The following ROBO2 variants were observed in gnomAD, a reference collection of about 807,000 sequenced individuals.
ROBO2 encodes the protein roundabout homolog 2.
A neutral mutation model predicts 160.8 loss-of-function variants in ROBO2; 53 were observed. The ratio of observed to expected loss-of-function variants is 0.33; its 90% CI spans 0.26 to 0.41. The LOEUF is 0.41. Ranked by LOEUF, ROBO2 falls within the 10% of genes least tolerant of loss-of-function variation. The pLI is 1.00. For missense variants in ROBO2, 1,577 were observed against 1,722.4 expected (o/e 0.92, Z 1.49); for synonymous variants, 664 against 611.7 (o/e 1.09, Z -1.26).
intron 2 of ROBO2, among the ~76,000 whole-genome samples, chr3:76,211,443 T>A (rs1346168916): frequency 6.6e-6 from 1 of 152,096 alleles, no homozygotes; most frequent in Non-Finnish European, 1.5e-5. Context: ...TTTAGTGATG[T>A]GACCTACTAT....
At chr3:77,378,326 T>C (rs2153483577) in intron 2 of ROBO2, among the ~76,000 whole-genome samples, 1 of 152,280 alleles carries the variant, frequency 6.6e-6, no homozygotes, top group Non-Finnish European at 1.5e-5. Flanking sequence ...TTTGAGTTCC[T>C]ATAAGGTAGG....
chr3:76,637,703 A>T (rs2090416992), intron 2 of ROBO2, among the ~76,000 whole-genome samples: 1 of 152,202 alleles, frequency 6.6e-6, no homozygotes, highest in African/African-American at 2.4e-5. Flanking sequence ...CCATTAAGTA[A>T]TAGAAGATAT....
chr3:76,746,269 T>C (rs1345004571), intron 2 of ROBO2, among the ~76,000 whole-genome samples: 4 of 151,818 alleles, frequency 2.6e-5, no homozygotes, highest in Non-Finnish European at 5.9e-5. Context: ...GTCTTTGCTA[T>C]CGTGAATAGT....
intron 2 of ROBO2, among the ~76,000 whole-genome samples, chr3:76,769,536 C>CA (rs2061765267): frequency 6.6e-6 from 1 of 151,268 alleles, no homozygotes; most frequent in Admixed American, 6.6e-5. Flanking sequence ...GAACAAAGGC[C>CA]AAAATAACTA....
chr3:76,663,400 G>GGGA (rs774167299), intron 2 of ROBO2, among the ~76,000 whole-genome samples: 2 of 152,148 alleles, frequency 1.3e-5, no homozygotes, highest in Non-Finnish European at 2.9e-5. Flanking sequence ...TTACTGAAGG[G>GGGA]GGAGCAGTAA....
chr3:76,942,616 T>C (rs1008147962), intron 2 of ROBO2, among the ~76,000 whole-genome samples: 12 of 152,328 alleles, frequency 7.9e-5, no homozygotes, highest in South Asian at 2.1e-4. Flanking sequence ...TACACTCATA[T>C]CCTTGACTGT....
intron 2 of ROBO2, among the ~76,000 whole-genome samples, chr3:76,806,947 T>C (rs1013604117): frequency 1.3e-5 from 2 of 152,058 alleles, no homozygotes; most frequent in African/African-American, 4.8e-5. Flanking sequence ...TTGTGATTTG[T>C]GGACAAGTTT....
intron 2 of ROBO2, among the ~76,000 whole-genome samples, chr3:77,255,135 A>G (rs1006266895): frequency 2.6e-5 from 4 of 152,238 alleles, no homozygotes; most frequent in African/African-American, 9.6e-5. Context: ...GGACAGAGAA[A>G]TGTAAGGTTA....
At chr3:77,427,883 G>T (rs553670835) in intron 2 of ROBO2, among the ~76,000 whole-genome samples, 2 of 152,126 alleles carry the variant, frequency 1.3e-5, no homozygotes, top group South Asian at 4.2e-4. Context: ...TATTCAGCTT[G>T]CATTGATCCT....
intron 2 of ROBO2, among the ~76,000 whole-genome samples, chr3:76,084,663 C>T (rs1033779669): frequency 6.6e-6 from 1 of 152,108 alleles, no homozygotes; most frequent in Non-Finnish European, 1.5e-5. Flanking sequence ...CTATCTCATA[C>T]TAGTGCCCTG....
In ROBO2 at chr3:77,222,709, A is replaced by G. The variant is rs187683414; in HGVS notation, c.388+124369A>G. ...AATGTGTTTAAAGCATTTCTTTTTC[A>G]CTTAAACATTTTTCCTTTATTTTAA... On this transcript the variant is annotated intron_variant, in intron 2 of 25. Coordinates refer to ENST00000461745, the Ensembl canonical transcript of ROBO2. Among the ~76,000 whole-genome samples the G allele has an allele frequency of 3.8e-3, 586 of 152,288 alleles. 1 individual carries two copies. The highest frequency in any genetic ancestry group is 5.7e-3 in the Non-Finnish European group (386 of 68,022).
chr3:76,688,772 G>A (rs2092737629), intron 2 of ROBO2, among the ~76,000 whole-genome samples: 1 of 151,864 alleles, frequency 6.6e-6, no homozygotes, highest in African/African-American at 2.4e-5. Flanking sequence ...TTAAAACTCC[G>A]CAGCTTTATA....
At chr3:77,476,072 A>G (rs142777711) in intron 2 of ROBO2, among the ~76,000 whole-genome samples, 95 of 152,334 alleles carry the variant, frequency 6.2e-4, no homozygotes, top group African/African-American at 2.2e-3. Flanking sequence ...TTAAGATGGA[A>G]AACCATGTTA....
At chr3:76,784,949 C>T (rs1226254130) in intron 2 of ROBO2, among the ~76,000 whole-genome samples, 1 of 151,166 alleles carries the variant, frequency 6.6e-6, no homozygotes, top group African/African-American at 2.4e-5. Context: ...TTACCTTCTT[C>T]AATGTGTCCA....
intron 2 of ROBO2, among the ~76,000 whole-genome samples, chr3:77,376,832 A>G (rs755781911): frequency 6.6e-6 from 1 of 152,232 alleles, no homozygotes; most frequent in East Asian, 1.9e-4. Flanking sequence ...ATAATATCCA[A>G]TGACCACCCA....
At chr3:76,430,204 AAG>A (rs1425225853) in intron 2 of ROBO2, among the ~76,000 whole-genome samples, 7 of 152,134 alleles carry the variant, frequency 4.6e-5, no homozygotes, top group African/African-American at 1.7e-4. Context: ...AGAATCTATC[AAG>A]GTTTCCACCC....
At chr3:76,434,347 C>T in intron 2 of ROBO2, 1 of 1,325,438 alleles carries the variant, frequency 7.5e-7, no homozygotes, top group East Asian at 2.3e-5. Context: ...AAGTGATAAG[C>T]TTTCGGGAGA....
chr3:76,275,604 A>G (rs1038060799), intron 2 of ROBO2, among the ~76,000 whole-genome samples: 10 of 152,198 alleles, frequency 6.6e-5, no homozygotes, highest in African/African-American at 2.4e-4. Flanking sequence ...ATATTTCCCT[A>G]GATGAAAACC....
chr3:76,376,892 G>A (rs1315562523), intron 2 of ROBO2, among the ~76,000 whole-genome samples: 1 of 152,112 alleles, frequency 6.6e-6, no homozygotes, highest in East Asian at 1.9e-4. Context: ...CCAGGGTTTA[G>A]GTTCTGGTTG....
Sources: gnomAD v4.1 joint callset for allele counts (sites outside exome capture counted in the v4.1 genomes callset) on GRCh38, gnomAD v4.1.1 for gene constraint, MANE v1.5 for transcripts, NCBI Gene and HGNC (gene_info 2026-07-23, HGNC 2026-07-21) for gene names.